KIF14: variants seen among roughly 807,000 people sequenced by gnomAD.
The protein encoded by KIF14 is kinesin-like protein KIF14.
KIF14 carries 98 observed loss-of-function variants against 176.2 expected under a neutral mutation model. That is an observed-to-expected ratio of 0.56 (90% CI 0.47 to 0.66). The LOEUF (loss-of-function observed/expected upper bound fraction) is 0.66. KIF14 is among the 30% of genes least tolerant of loss of function. KIF14 has a pLI of 0.00. For synonymous variants in KIF14, 566 were observed against 632.2 expected (o/e 0.90, Z 1.57); for missense variants, 1,751 against 1,920.4 (o/e 0.91, Z 1.65).
At chr1:200,608,050 A>T (rs1558087953) in intron 5 of KIF14, among the ~76,000 whole-genome samples, 4 of 152,142 alleles carry the variant, frequency 2.6e-5, no homozygotes, top group African/African-American at 9.7e-5. Context: ...GCAAAATTAA[A>T]AATTTTAAAT....
chr1:200,607,609 T>C (rs754069145), intron 5 of KIF14, among the ~76,000 whole-genome samples: 3 of 152,228 alleles, frequency 2.0e-5, no homozygotes, highest in Admixed American at 1.3e-4. Context: ...TTTAAACATA[T>C]AGAAATCATA....
intron 22 of KIF14, among the ~76,000 whole-genome samples, chr1:200,570,960 T>A (rs1657751858): frequency 6.6e-6 from 1 of 152,180 alleles, no homozygotes; most frequent in Admixed American, 6.5e-5. Context: ...CTTCTTTGTG[T>A]CCATGTGTAC....
chr1:200,581,761 CTTTTT>C (rs66935478), intron 19 of KIF14, among the ~76,000 whole-genome samples: 3 of 83,068 alleles, frequency 3.6e-5, no homozygotes, highest in African/African-American at 1.4e-4. Context: ...TTTCACTTTC[CTTTTT>C]TTTTTTTTTT....
At position 200,589,224 on chromosome 1, in the gene KIF14, G is replaced by A. The variant is rs759447033; in HGVS notation, c.3107C>T (p.Thr1036Ile). The change falls in exon 18 of 30, where the codon ACA becomes ATA. Residue 1036 changes from threonine to isoleucine, a missense_variant. Coordinates refer to ENST00000367350, the MANE Select transcript of KIF14 (RefSeq NM_014875.3). The stretch of plus-strand genomic sequence containing the variant: ...GTTACACAATAAAATTACCTGTTTT[G>A]TAGCCAATGTTTCCATTTCTAATCG... ...KKRLEMETLATKQALEDHSIR... is the reference protein window; with the variant it reads ...KKRLEMETLAIKQALEDHSIR... 7 of 1,598,042 alleles carry A rather than the reference G, an allele frequency of 4.4e-6. No homozygotes were observed. The East Asian group carries it at 1.1e-4, about 26-fold the overall frequency.
At chr1:200,583,742 T>C (rs1039099341) in intron 19 of KIF14, among the ~76,000 whole-genome samples, 1 of 151,680 alleles carries the variant, frequency 6.6e-6, no homozygotes, top group Non-Finnish European at 1.5e-5. Context: ...AGAAGTTTGA[T>C]ACCAGCCTGG....
chr1:200,597,174 C>T (rs1659395244), intron 14 of KIF14, among the ~76,000 whole-genome samples: 1 of 152,024 alleles, frequency 6.6e-6, no homozygotes, highest in Non-Finnish European at 1.5e-5. Context: ...CCACCACGCC[C>T]AGCCAGAACA....
chr1:200,577,553 T>C (rs1391270950), intron 21 of KIF14, among the ~76,000 whole-genome samples: 2 of 151,852 alleles, frequency 1.3e-5, no homozygotes, highest in African/African-American at 4.8e-5. Context: ...TCCCAGCACT[T>C]TGGGAGGCCG....
intron 14 of KIF14, 36 bp downstream of exon 14, chr1:200,598,200 CA>C (rs766016256): frequency 6.4e-7 from 1 of 1,556,282 alleles, no homozygotes; most frequent in East Asian, 2.3e-5. Flanking sequence ...AGATATAGAA[CA>C]GGTGCCTTTT....
intron 14 of KIF14, among the ~76,000 whole-genome samples, chr1:200,597,021 C>T (rs1366023630): frequency 2.0e-5 from 3 of 151,216 alleles, no homozygotes; most frequent in Non-Finnish European, 4.4e-5. Context: ...GCCTCAGCCT[C>T]CTGAGTAGCT....
chr1:200,565,356 C>T (rs2102591687), intron 24 of KIF14, 89 bp downstream of exon 24: 1 of 1,398,754 alleles, frequency 7.1e-7, no homozygotes, highest in East Asian at 2.3e-5. Flanking sequence ...AGATGCATGC[C>T]AGATGTGCCA....
chr1:200,605,978 A>G lies in KIF14; in HGVS notation c.1608-84T>C, dbSNP rs983686830. 2.0e-5 allele frequency: 14 copies of G among 697,138 alleles called. No homozygotes were observed. The Admixed American group carries it at 4.1e-4, about 20-fold the overall frequency. The allele number at this position is 697,138 out of a possible 1,614,324, so 43.2% of individuals were successfully genotyped here. On this transcript the variant is annotated intron_variant, in intron 6 of 29. Coordinates refer to ENST00000367350, the MANE Select transcript of KIF14 (RefSeq NM_014875.3). ...CATAAAACAATAACATTTCAATTACATATTTACGCTGAAGATCACAATGGA... is the reference window on the plus strand; with the variant it reads ...CATAAAACAATAACATTTCAATTACGTATTTACGCTGAAGATCACAATGGA...
At chr1:200,606,004 C>T in intron 6 of KIF14, 110 bp from the exon 7 acceptor site, 1 of 532,978 alleles carries the variant, frequency 1.9e-6, no homozygotes, top group Non-Finnish European at 3.3e-6. Context: ...TCACAATGGA[C>T]TAATTCATGA....
Position 200,581,295 on chromosome 1 carries a change from C to G in KIF14, c.3242-1G>C. On this transcript the variant is annotated splice_acceptor_variant, in intron 19 of 29. Transcript: ENST00000367350. LOFTEE classifies it high-confidence loss of function. Reference sequence around the variant, plus strand: ...TTCATAGAGCTCCAAGTTGTCTGCACTAATACAAAGCACACAGAAAAGATT... The same window carrying G: ...TTCATAGAGCTCCAAGTTGTCTGCAGTAATACAAAGCACACAGAAAAGATT... 1 of 1,579,386 alleles carries G rather than the reference C, an allele frequency of 6.3e-7. No homozygotes were observed. Among genetic ancestry groups the G allele is most frequent in the Non-Finnish European group, 8.6e-7 (1 of 1,160,304 alleles).
chr1:200,595,783 C>G (rs896955351), intron 14 of KIF14, among the ~76,000 whole-genome samples: 1 of 150,442 alleles, frequency 6.6e-6, no homozygotes, highest in African/African-American at 2.5e-5. Context: ...ATCGTCTCTA[C>G]TAAAAATACA....
Position 200,570,142 on chromosome 1 carries a change from T to C in KIF14, c.3567-137A>G, listed in dbSNP as rs145039628. 136 of 475,630 alleles carry C rather than the reference T, an allele frequency of 2.9e-4. 1 individual carries two copies. The East Asian group carries it at 4.2e-3, about 15-fold the overall frequency. The allele number at this position is 475,630 out of a possible 1,614,324, so 29.5% of individuals were successfully genotyped here. On this transcript the variant is annotated intron_variant, in intron 22 of 29. Coordinates refer to ENST00000367350, the MANE Select transcript of KIF14 (RefSeq NM_014875.3). The stretch of plus-strand genomic sequence containing the variant: ...TTAAAAATTTTCATCAAAGGAAAAA[T>C]TCATTTGGTTAATTGAGCAAGAATT...
intron 4 of KIF14, among the ~76,000 whole-genome samples, chr1:200,611,392 A>G (rs1408633354): frequency 6.6e-6 from 1 of 152,226 alleles, no homozygotes; most frequent in East Asian, 1.9e-4. Flanking sequence ...TGAGTAATAC[A>G]AGGCAGAATA....
At chr1:200,557,139 G>A (rs1008463166) in intron 27 of KIF14, among the ~76,000 whole-genome samples, 1 of 152,138 alleles carries the variant, frequency 6.6e-6, no homozygotes, top group Admixed American at 6.5e-5. Flanking sequence ...GAGTAGCTGG[G>A]ACTACAGATG....
intron 21 of KIF14, among the ~76,000 whole-genome samples, chr1:200,577,262 T>G (rs573678502): frequency 2.8e-4 from 42 of 152,216 alleles, no homozygotes; most frequent in African/African-American, 9.9e-4. Context: ...AGGTGAAGGT[T>G]GCAGTGAGCC....
In KIF14 at chr1:200,617,633, C is replaced by T. The variant is rs1435446065; in HGVS notation, c.1091G>A (p.Arg364His). The T allele has an allele frequency of 4.3e-6, 7 of 1,611,366 alleles. No homozygotes were observed. Among genetic ancestry groups the T allele is most frequent in the South Asian group, 1.1e-5 (1 of 90,898 alleles). The change falls in exon 2 of 30, where the codon CGC (arginine) becomes CAC (histidine). Residue 364 changes from arginine to histidine, a missense_variant. Arg to His is a conservative substitution (Grantham distance 29). Transcript: ENST00000367350. The part of the protein sequence containing the change: ...VENSQVTVAV[R>H]VRPFTKREKI... Reference sequence around the variant, plus strand: ...ATACCTCTTGGTGAAAGGTCTTACGCGTACTGCCACTGTCACTTGACTATT... The same window carrying T: ...ATACCTCTTGGTGAAAGGTCTTACGTGTACTGCCACTGTCACTTGACTATT...
Sources: allele counts gnomAD v4.1 joint callset (sites outside exome capture counted in the v4.1 genomes callset), GRCh38; gene constraint gnomAD v4.1.1; transcripts MANE v1.5; gene names NCBI Gene and HGNC (gene_info 2026-07-23, HGNC 2026-07-21).